EEPD1: variants seen among roughly 807,000 people sequenced by gnomAD.
The protein encoded by EEPD1 is endonuclease/exonuclease/phosphatase family domain containing 1, also known as endonuclease/exonuclease/phosphatase family domain-containing protein 1.
EEPD1 carries 17 observed loss-of-function variants against 46.3 expected under a neutral mutation model. The ratio of observed to expected loss-of-function variants is 0.37; its 90% confidence interval spans 0.25 to 0.55. EEPD1 has a LOEUF of 0.55. Ranked by LOEUF, EEPD1 falls within the 20% of genes least tolerant of loss-of-function variation. The pLI is 0.83. For missense variants in EEPD1, 673 were observed against 745.6 expected (o/e 0.90, Z 1.13); for synonymous variants, 313 against 315.6 (o/e 0.99, Z 0.09).
At chr7:36,203,380 T>C (rs530363214) in intron 2 of EEPD1, among the ~76,000 whole-genome samples, 1 of 152,326 alleles carries the variant, frequency 6.6e-6, no homozygotes, top group Admixed American at 6.5e-5. Context: ...CCCCTCCCTT[T>C]CTAACAGATA....
At chr7:36,246,468 C>G (rs1786642663) in intron 3 of EEPD1, among the ~76,000 whole-genome samples, 3 of 152,278 alleles carry the variant, frequency 2.0e-5, no homozygotes, top group Non-Finnish European at 4.4e-5. Flanking sequence ...ATCGTAAGCA[C>G]CAAAGTGGCA....
chr7:36,201,900 G>A (rs766959017), intron 2 of EEPD1, among the ~76,000 whole-genome samples: 2 of 152,176 alleles, frequency 1.3e-5, no homozygotes, highest in African/African-American at 4.8e-5. Context: ...GTGAGTTCTG[G>A]CTTCCCATAG....
At chr7:36,166,371 C>G (rs187103847) in intron 2 of EEPD1, among the ~76,000 whole-genome samples, 50 of 152,292 alleles carry the variant, frequency 3.3e-4, no homozygotes, top group Non-Finnish European at 6.2e-4. Flanking sequence ...TTATTAAAAG[C>G]ATTTGAAATT....
At chr7:36,174,295 T>C (rs1335734044) in intron 2 of EEPD1, among the ~76,000 whole-genome samples, 1 of 152,274 alleles carries the variant, frequency 6.6e-6, no homozygotes. Context: ...ATTAAGAATC[T>C]TAATTGATAC....
At chr7:36,283,037 T>C (rs1302048155) in intron 4 of EEPD1, among the ~76,000 whole-genome samples, 1 of 152,224 alleles carries the variant, frequency 6.6e-6, no homozygotes, top group African/African-American at 2.4e-5. Flanking sequence ...AGGCATCTTC[T>C]CCCCAGCTCC....
chr7:36,199,470 T>G (rs541481863), intron 2 of EEPD1, among the ~76,000 whole-genome samples: 1 of 152,016 alleles, frequency 6.6e-6, no homozygotes, highest in East Asian at 1.9e-4. Context: ...AGCATGGCAT[T>G]TTTTGGGAAT....
At chr7:36,292,369 C>CTTTTG (rs200557299) in intron 6 of EEPD1, among the ~76,000 whole-genome samples, 1 of 135,338 alleles carries the variant, frequency 7.4e-6, no homozygotes, top group Non-Finnish European at 1.8e-5. Context: ...CTTTTCTTTT[C>CTTTTG]TTTTGTTTTG....
intron 2 of EEPD1, among the ~76,000 whole-genome samples, chr7:36,167,203 GTACTGGGGAT>G: frequency 6.6e-6 from 1 of 152,254 alleles, no homozygotes; most frequent in East Asian, 1.9e-4. Context: ...ACATTCTGAA[GTACTGGGGAT>G]TAGGGCTTCA....
At chr7:36,226,185 GTA>G (rs1222053461) in intron 2 of EEPD1, among the ~76,000 whole-genome samples, 1 of 152,242 alleles carries the variant, frequency 6.6e-6, no homozygotes, top group Non-Finnish European at 1.5e-5. Context: ...GATAAGGGTT[GTA>G]ATGCTGCTTG....
intron 2 of EEPD1, among the ~76,000 whole-genome samples, chr7:36,162,442 G>A (rs1033127800): frequency 6.6e-6 from 1 of 152,182 alleles, no homozygotes; most frequent in Non-Finnish European, 1.5e-5. Context: ...CCAGGAGTTC[G>A]AGACTAGCCT....
intron 6 of EEPD1, among the ~76,000 whole-genome samples, chr7:36,293,919 G>A (rs190692131): frequency 3.4e-4 from 52 of 151,886 alleles, no homozygotes; most frequent in African/African-American, 1.1e-3. Context: ...AGCCGAGATC[G>A]TGCCACTGTA....
chr7:36,256,630 A>T (rs1786832171), intron 3 of EEPD1, among the ~76,000 whole-genome samples: 1 of 151,916 alleles, frequency 6.6e-6, no homozygotes, highest in Non-Finnish European at 1.5e-5. Context: ...TTTATCAGAG[A>T]CTAGGATTTC....
chr7:36,287,520 C>G, intron 5 of EEPD1, 119 bp from the exon 6 acceptor site: 1 of 1,440,548 alleles, frequency 6.9e-7, no homozygotes, highest in Non-Finnish European at 9.3e-7. Context: ...GTGAGCCAGC[C>G]TTGTTCTTGT....
intron 3 of EEPD1, among the ~76,000 whole-genome samples, chr7:36,254,747 C>G (rs1786802483): frequency 6.6e-6 from 1 of 152,172 alleles, no homozygotes; most frequent in Non-Finnish European, 1.5e-5. Flanking sequence ...GTTTACGCTC[C>G]CATCAACAGT....
At position 36,287,650 on chromosome 7, in the gene EEPD1, C is replaced by T. The variant is rs753395242; in HGVS notation, c.1188C>T (p.His396=). 1.2e-5 allele frequency: 19 copies of T among 1,613,904 alleles called. No individual in the cohort carries two copies. In the Middle Eastern group the frequency reaches 8.2e-4, roughly 70 times the overall value. ...PYLGRFKVGS[H]DLTLVNLHLA... is the part of the protein sequence containing the mutation. The stretch of plus-strand genomic sequence containing the variant: ...TTCCTGCTGCCTAGGTGGGAAGTCA[C>T]GACCTGACCCTTGTTAACCTTCACC... The change falls in exon 6 of 8, where the codon CAC becomes CAT. Residue 396 remains histidine (H), a synonymous_variant. Transcript: ENST00000242108.
intron 3 of EEPD1, among the ~76,000 whole-genome samples, chr7:36,280,570 AAAG>A (rs1320022115): frequency 6.6e-6 from 1 of 152,236 alleles, no homozygotes; most frequent in African/African-American, 2.4e-5. Context: ...TGCATTAGCA[AAAG>A]AAGTGCATGC....
chr7:36,168,365 C>T (rs1428193997), intron 2 of EEPD1, among the ~76,000 whole-genome samples: 1 of 152,160 alleles, frequency 6.6e-6, no homozygotes, highest in Non-Finnish European at 1.5e-5. Flanking sequence ...AATGAAGTGA[C>T]GTACTTGGTG....
At chr7:36,174,994 G>A (rs1216333352) in intron 2 of EEPD1, among the ~76,000 whole-genome samples, 1 of 152,218 alleles carries the variant, frequency 6.6e-6, no homozygotes, top group African/African-American at 2.4e-5. Flanking sequence ...TGGACAGAAG[G>A]AGGAAAGTGA....
chr7:36,221,651 G>A (rs538889818), intron 2 of EEPD1, among the ~76,000 whole-genome samples: 83 of 152,274 alleles, frequency 5.5e-4, no homozygotes, highest in African/African-American at 2.0e-3. Flanking sequence ...TAGAATACCA[G>A]TGTGATTTTG....
Sources: gnomAD v4.1 joint callset for allele counts (sites outside exome capture counted in the v4.1 genomes callset) on GRCh38, gnomAD v4.1.1 for gene constraint, MANE v1.5 for transcripts, NCBI Gene and HGNC (gene_info 2026-07-23, HGNC 2026-07-21) for gene names.